The following MYO3B variants were observed in gnomAD, a reference collection of about 807,000 sequenced individuals.
The protein encoded by MYO3B is myosin-IIIb.
A neutral mutation model predicts 174.6 loss-of-function variants in MYO3B; 156 were observed. That is an observed-to-expected ratio of 0.89 (90% confidence interval 0.78 to 1.02). MYO3B has a LOEUF of 1.02. Ranked by LOEUF, MYO3B falls within the 50% of genes least tolerant of loss-of-function variation. The pLI, the probability that MYO3B is intolerant of heterozygous loss-of-function variation, is 0.00. For synonymous variants in MYO3B, 563 were observed against 569.1 expected (o/e 0.99, Z 0.15); for missense variants, 1,632 against 1,639.4 (o/e 1.00, Z 0.08).
At chr2:170,426,649 G>A (rs1215822956) in intron 22 of MYO3B, among the ~76,000 whole-genome samples, 1 of 152,046 alleles carries the variant, frequency 6.6e-6, no homozygotes, top group African/African-American at 2.4e-5. Flanking sequence ...TCTATGTGAA[G>A]GATAAGCAAA....
chr2:170,391,813 TA>T, intron 15 of MYO3B, among the ~76,000 whole-genome samples, 195 bp downstream of exon 15: 1 of 152,280 alleles, frequency 6.6e-6, no homozygotes, highest in Admixed American at 6.5e-5. Context: ...GCACATGGTT[TA>T]TTTTTTTTCA....
At chr2:170,544,075 T>A in intron 32 of MYO3B, 87 bp downstream of exon 32, 1 of 1,027,094 alleles carries the variant, frequency 9.7e-7, no homozygotes, top group Non-Finnish European at 1.5e-6. Flanking sequence ...AGGACTCAAT[T>A]AGATAGTAAT....
intron 32 of MYO3B, among the ~76,000 whole-genome samples, chr2:170,608,681 G>C (rs376121451): frequency 2.4e-4 from 36 of 152,040 alleles, no homozygotes; most frequent in Middle Eastern, 3.4e-3. Flanking sequence ...GAGAGAGAGA[G>C]AGACAGACAG....
chr2:170,298,308 C>T (rs2093641075), intron 7 of MYO3B, among the ~76,000 whole-genome samples: 1 of 152,082 alleles, frequency 6.6e-6, no homozygotes, highest in African/African-American at 2.4e-5. Flanking sequence ...AAGATTGGTT[C>T]TAGCTGGCAG....
intron 32 of MYO3B, chr2:170,601,592 A>T: frequency 8.9e-7 from 1 of 1,126,532 alleles, no homozygotes; most frequent in South Asian, 1.3e-5. Flanking sequence ...CAAGGAAAAA[A>T]ACTAGGCTAG....
At chr2:170,439,442 T>C (rs1478238346) in intron 22 of MYO3B, among the ~76,000 whole-genome samples, 2 of 152,138 alleles carry the variant, frequency 1.3e-5, no homozygotes, top group Non-Finnish European at 2.9e-5. Context: ...GAGTTCCTTA[T>C]ATATTTTACA....
chr2:170,633,955 C>G (rs943390848), intron 32 of MYO3B, among the ~76,000 whole-genome samples: 3 of 151,978 alleles, frequency 2.0e-5, no homozygotes, highest in Admixed American at 6.6e-5. Context: ...CACTGATCAA[C>G]GAAATAAAAG....
At chr2:170,494,798 C>T (rs2106059116) in intron 25 of MYO3B, among the ~76,000 whole-genome samples, 1 of 150,008 alleles carries the variant, frequency 6.7e-6, no homozygotes, top group South Asian at 2.1e-4. Flanking sequence ...GATTTCTTGA[C>T]ATTGTATGCA....
At chr2:170,194,826 C>G (rs1441752998) in intron 1 of MYO3B, among the ~76,000 whole-genome samples, 4 of 152,142 alleles carry the variant, frequency 2.6e-5, no homozygotes, top group Non-Finnish European at 1.5e-5. Context: ...GGGAAGCTGA[C>G]AGTGCAGCCT....
chr2:170,537,610 C>T (rs1174033843), intron 30 of MYO3B, among the ~76,000 whole-genome samples: 1 of 151,616 alleles, frequency 6.6e-6, no homozygotes, highest in Non-Finnish European at 1.5e-5. Flanking sequence ...CCCTGTCTGG[C>T]TAGTTTTTGT....
intron 1 of MYO3B, among the ~76,000 whole-genome samples, chr2:170,191,489 C>A (rs2092540120): frequency 6.6e-6 from 1 of 152,058 alleles, no homozygotes; most frequent in South Asian, 2.1e-4. Context: ...GTGAGGCTTG[C>A]CAGAACTCAA....
At chr2:170,333,533 C>A (rs570206800) in intron 7 of MYO3B, among the ~76,000 whole-genome samples, 1 of 152,220 alleles carries the variant, frequency 6.6e-6, no homozygotes, top group South Asian at 2.1e-4. Flanking sequence ...TCTAATCATT[C>A]TTCCTTCTCA....
intron 18 of MYO3B, 111 bp downstream of exon 18, chr2:170,401,802 C>CTTTCTTT: frequency 1.4e-6 from 1 of 698,088 alleles, no homozygotes; most frequent in Non-Finnish European, 2.2e-6. Flanking sequence ...CTTTCTTTTT[C>CTTTCTTT]TTTTTTTTTT....
Position 170,645,936 on chromosome 2 carries a change from G to A in MYO3B, c.3734-5692G>A, listed in dbSNP as rs189926047. Among the ~76,000 whole-genome samples, 31 of 152,140 alleles carry A rather than the reference G, an allele frequency of 2.0e-4. No individual in the cohort carries two copies. The East Asian group carries it at 4.4e-3, about 22-fold the overall frequency. On this transcript the variant is annotated intron_variant, in intron 32 of 34. Transcript: ENST00000408978. ...TTTATATCTGAGTTAATTTCTTCTCGATTATTAAATATGTATCATGTTTCT... is the reference window on the plus strand; with the variant it reads ...TTTATATCTGAGTTAATTTCTTCTCAATTATTAAATATGTATCATGTTTCT...
In MYO3B at chr2:170,369,296, A is replaced by G. The variant is rs781008304; in HGVS notation, c.890A>G (p.His297Arg). 8.7e-6 allele frequency: 14 copies of G among 1,613,910 alleles called. No homozygotes were observed. The highest frequency in any genetic ancestry group is 7.7e-5 in the South Asian group (7 of 91,044). Residue 297 changes from histidine (H) to arginine (R), a missense_variant, in exon 9 of 35, where the codon CAT (histidine) becomes CGT (arginine). Physicochemically the swap from His to Arg is conservative, Grantham distance 29. Transcript: ENST00000408978. ...LLDHPFIKGV[H>R]GKVLFLQKQL... ...GACCACCCATTTATTAAAGGAGTAC[A>G]TGGAAAAGTTCTGTTTCTGCAAAAA...
At chr2:170,631,124 C>A (rs1010020154) in intron 32 of MYO3B, among the ~76,000 whole-genome samples, 6 of 152,042 alleles carry the variant, frequency 3.9e-5, no homozygotes, top group Admixed American at 3.9e-4. Flanking sequence ...GAAGTTCGAA[C>A]CCATCGCAAA....
intron 28 of MYO3B, among the ~76,000 whole-genome samples, chr2:170,502,191 G>A (rs1336951648): frequency 6.6e-6 from 1 of 152,176 alleles, no homozygotes; most frequent in Non-Finnish European, 1.5e-5. Flanking sequence ...TGCAGAGCCA[G>A]CATTTGAACA....
chr2:170,620,133 G>A (rs1695789039), intron 32 of MYO3B, among the ~76,000 whole-genome samples: 1 of 151,934 alleles, frequency 6.6e-6, no homozygotes. Context: ...CAAGTGAGAT[G>A]ATAAATCTTT....
chr2:170,309,963 G>C (rs528963877), intron 7 of MYO3B, among the ~76,000 whole-genome samples: 1 of 152,162 alleles, frequency 6.6e-6, no homozygotes, highest in African/African-American at 2.4e-5. Flanking sequence ...TCTGCATTCT[G>C]TCTCTATGCC....
Sources: allele counts gnomAD v4.1 joint callset (sites outside exome capture counted in the v4.1 genomes callset), GRCh38; gene constraint gnomAD v4.1.1; transcripts MANE v1.5; gene names NCBI Gene and HGNC (gene_info 2026-07-23, HGNC 2026-07-21).